The following MPZL1 variants were observed in gnomAD, a reference collection of about 807,000 sequenced individuals.
MPZL1 encodes the protein myelin protein zero-like protein 1.
In MPZL1, 16 loss-of-function variants were observed where a neutral mutation model predicts 29.3. The ratio of observed to expected loss-of-function variants is 0.55; its 90% confidence interval spans 0.37 to 0.83. MPZL1 has a LOEUF of 0.83. MPZL1 is among the 40% of genes least tolerant of loss of function. The pLI is 0.00. For missense variants in MPZL1, 279 were observed against 332.9 expected, an observed-to-expected ratio of 0.84 and a Z score of 1.26; for synonymous variants, 143 against 132.0, an observed-to-expected ratio of 1.08 and a Z score of -0.57.
At chr1:167,781,073 T>A (rs959015066) in intron 5 of MPZL1, among the ~76,000 whole-genome samples, 1 of 152,106 alleles carries the variant, frequency 6.6e-6, no homozygotes, top group African/African-American at 2.4e-5. Context: ...CCTAAATATT[T>A]ATACTTCTAA....
At chr1:167,736,133 A>G (rs1369184347) in intron 1 of MPZL1, among the ~76,000 whole-genome samples, 2 of 152,038 alleles carry the variant, frequency 1.3e-5, no homozygotes, top group African/African-American at 4.8e-5. Flanking sequence ...CCTTTGTGAC[A>G]TTACTCCTGG....
intron 1 of MPZL1, among the ~76,000 whole-genome samples, chr1:167,744,966 A>G (rs1329835181): frequency 1.3e-5 from 2 of 152,158 alleles, no homozygotes; most frequent in African/African-American, 4.8e-5. Context: ...GAAACTGATG[A>G]TACCATATGT....
chr1:167,773,277 G>A lies in MPZL1; in HGVS notation c.514G>A (p.Val172Ile). The A allele has an allele frequency of 1.2e-6, 2 of 1,613,624 alleles. No individual in the cohort carries two copies. Among genetic ancestry groups the A allele is most frequent in the Non-Finnish European group, 1.7e-6 (2 of 1,179,550 alleles). ...TCCAGTTTGGGTAGTGGTGGGCATAGTTACTGCTGTGGTCCTAGGTCTCAC... is the reference window on the plus strand; with the variant it reads ...TCCAGTTTGGGTAGTGGTGGGCATAATTACTGCTGTGGTCCTAGGTCTCAC... ...VFPVWVVVGI[V>I]TAVVLGLTLL... Residue 172 changes from valine to isoleucine, a missense_variant, in exon 4 of 6, where the codon GTT becomes ATT. Physicochemically the swap from Val to Ile is conservative, Grantham distance 29 (BLOSUM62 3). Transcript: ENST00000359523.
chr1:167,729,131 G>T (rs758242603), intron 1 of MPZL1, among the ~76,000 whole-genome samples: 2 of 151,888 alleles, frequency 1.3e-5, no homozygotes, highest in Non-Finnish European at 2.9e-5. Context: ...TTAGCTGGGG[G>T]TGGTGGCGCA....
intron 5 of MPZL1, among the ~76,000 whole-genome samples, chr1:167,781,027 G>T (rs185044212): frequency 4.5e-4 from 69 of 152,190 alleles, no homozygotes; most frequent in African/African-American, 1.6e-3. Context: ...GACTTTTTAT[G>T]ATGACAAAGT....
rs758690840 is a variant in MPZL1 at position 167,773,335 on chromosome 1, A to G, written c.572A>G (p.Tyr191Cys). 5.6e-6 allele frequency: 9 copies of G among 1,614,112 alleles called. No individual in the cohort carries two copies. Among genetic ancestry groups the G allele is most frequent in the East Asian group, 2.2e-5 (1 of 44,880 alleles). ...LLISMILAVL[Y>C]RRKNSKRDYT... The stretch of plus-strand genomic sequence containing the variant: ...ATCAGCATGATTCTGGCTGTCCTCT[A>G]TAGAAGGAAAAACTCTAAACGGGAT... Residue 191 changes from tyrosine (Y) to cysteine (C), a missense_variant, in exon 4 of 6, where the codon TAT (tyrosine) becomes TGT (cysteine). Coordinates refer to ENST00000359523, the MANE Select transcript of MPZL1 (RefSeq NM_003953.6).
In MPZL1 at chr1:167,772,286, C is replaced by T. The variant is rs1571165914; in HGVS notation, c.270C>T (p.Tyr90=). The change falls in exon 3 of 6, where the codon TAC becomes TAT. Residue 90 remains tyrosine, a synonymous_variant. Transcript: ENST00000359523. ...GADTTVSFFH[Y]SQGQVYLGNY... The stretch of plus-strand genomic sequence containing the variant: ...TTTTCTAATTGCAGTTTTTCCACTA[C>T]TCCCAAGGGCAAGTGTACCTTGGGA... 6.2e-7 allele frequency: 1 copy of T among 1,612,930 alleles called. No individual in the cohort carries two copies. Among genetic ancestry groups the T allele is most frequent in the Non-Finnish European group, 8.5e-7 (1 of 1,179,066 alleles).
At chr1:167,746,838 T>G (rs1401980755) in intron 1 of MPZL1, among the ~76,000 whole-genome samples, 1 of 152,216 alleles carries the variant, frequency 6.6e-6, no homozygotes, top group African/African-American at 2.4e-5. Context: ...CTCTAAAATA[T>G]AACTTTTTGT....
intron 5 of MPZL1, among the ~76,000 whole-genome samples, chr1:167,779,229 T>C (rs938739937): frequency 6.6e-6 from 1 of 151,538 alleles, no homozygotes; most frequent in African/African-American, 2.4e-5. Flanking sequence ...GAGAAAAAAA[T>C]ATGTAAAGAA....
rs1553254314 is a variant in MPZL1 at position 167,739,304 on chromosome 1, T to TATAC, written c.91+17065_91+17066insCATA. On this transcript the variant is annotated intron_variant, in intron 1 of 5. Transcript: ENST00000359523. ...ATACATATATATATATATATATATA[T>TATAC]ATATACACATATATATATTTATGTT... Among the ~76,000 whole-genome samples, 37 of 93,834 alleles carry TATAC rather than the reference T, an allele frequency of 3.9e-4. 2 individuals carry two copies. The highest frequency in any genetic ancestry group is 2.1e-3 in the African/African-American group (34 of 16,572). The allele number at this position is 93,834 out of a possible 152,430, so 61.6% of individuals were successfully genotyped here. A position where few individuals can be genotyped will look rare whatever the true frequency, so the allele number is the denominator to read the frequency against.
chr1:167,722,978 G>GA (rs200590371), intron 1 of MPZL1, among the ~76,000 whole-genome samples: 21 of 150,856 alleles, frequency 1.4e-4, no homozygotes, highest in East Asian at 1.9e-4. Context: ...TTTCCTAAAG[G>GA]AAAAAAAAAG....
intron 1 of MPZL1, among the ~76,000 whole-genome samples, chr1:167,748,223 T>C (rs1660686835): frequency 6.6e-6 from 1 of 152,230 alleles, no homozygotes; most frequent in Admixed American, 6.5e-5. Context: ...CCTGCCAAAC[T>C]GTTTTTCAAA....
chr1:167,736,141 T>C (rs749947125), intron 1 of MPZL1, among the ~76,000 whole-genome samples: 14 of 152,214 alleles, frequency 9.2e-5, no homozygotes, highest in Non-Finnish European at 2.1e-4. Flanking sequence ...ACATTACTCC[T>C]GGTTCTCATC....
chr1:167,722,306 A>G, intron 1 of MPZL1, 64 bp downstream of exon 1: 9 of 1,231,302 alleles, frequency 7.3e-6, no homozygotes, highest in Non-Finnish European at 9.1e-6. Flanking sequence ...ACACACGCCC[A>G]TCGCGGCGGT....
chr1:167,727,740 G>GT (rs1321524839), intron 1 of MPZL1, among the ~76,000 whole-genome samples: 1 of 152,118 alleles, frequency 6.6e-6, no homozygotes, highest in Non-Finnish European at 1.5e-5. Context: ...TTTTGCTGCC[G>GT]TAAGAAAGCA....
At chr1:167,738,848 A>G (rs963400824) in intron 1 of MPZL1, among the ~76,000 whole-genome samples, 1 of 152,224 alleles carries the variant, frequency 6.6e-6, no homozygotes, top group African/African-American at 2.4e-5. Context: ...TGTAGCCTGC[A>G]GAACCACGAG....
chr1:167,756,159 AT>A lies in MPZL1; in HGVS notation c.92-9412del, dbSNP rs879352403. 5.8e-3 allele frequency among the ~76,000 whole-genome samples: 847 copies of A among 146,118 alleles called. 7 individuals are homozygous for A. Among genetic ancestry groups the A allele is most frequent in the African/African-American group, 0.019 (757 of 40,126 alleles). ...CTTGTGTGTTAGTAAAAGTACATGG[AT>A]TTTTTTTTTTTACAGTCTCACTCTG... On this transcript the variant is annotated intron_variant, in intron 1 of 5. Transcript: ENST00000359523.
chr1:167,730,134 C>T (rs1660231717), intron 1 of MPZL1, among the ~76,000 whole-genome samples: 1 of 152,216 alleles, frequency 6.6e-6, no homozygotes. Context: ...TCCCTCATGC[C>T]TTGATGCTGC....
At chr1:167,772,915 T>G (rs563585910) in intron 3 of MPZL1, among the ~76,000 whole-genome samples, 1 of 152,350 alleles carries the variant, frequency 6.6e-6, no homozygotes, top group East Asian at 1.9e-4. Context: ...GAAATGCAGG[T>G]TCTGGTGTCT....
Sources: gnomAD v4.1 joint callset for allele counts (sites outside exome capture counted in the v4.1 genomes callset) on GRCh38, gnomAD v4.1.1 for gene constraint, MANE v1.5 for transcripts, NCBI Gene and HGNC (gene_info 2026-07-23, HGNC 2026-07-21) for gene names.